The following ABHD17C variants were observed in gnomAD, a reference collection of about 807,000 sequenced individuals.
ABHD17C encodes the protein abhydrolase domain containing 17C, depalmitoylase.
ABHD17C carries 11 observed loss-of-function variants against 27.9 expected under a neutral mutation model. The observed-to-expected ratio is 0.39, with a 90% CI of 0.25 to 0.65. ABHD17C has a LOEUF of 0.65. ABHD17C is among the 30% of genes least tolerant of loss of function. The pLI, the probability that ABHD17C is intolerant of heterozygous loss-of-function variation, is 0.45. For synonymous variants in ABHD17C, 233 were observed against 209.1 expected (o/e 1.11, Z -0.98); for missense variants, 280 against 470.2 (o/e 0.60, Z 3.74).
At chr15:80,754,094 A>G (rs1895400713) in intron 2 of ABHD17C, 57 bp from the exon 3 acceptor site, 5 of 1,314,952 alleles carry the variant, frequency 3.8e-6, no homozygotes, top group South Asian at 3.6e-5. Flanking sequence ...GATGTGTATT[A>G]TCTGTGAGCA....
At chr15:80,730,040 A>G (rs1395081629) in intron 1 of ABHD17C, among the ~76,000 whole-genome samples, 5 of 151,946 alleles carry the variant, frequency 3.3e-5, no homozygotes, top group African/African-American at 1.2e-4. Flanking sequence ...AACCACGTGA[A>G]CCCAGTTGCA....
At chr15:80,730,381 A>T (rs1205617644) in intron 1 of ABHD17C, among the ~76,000 whole-genome samples, 4 of 152,132 alleles carry the variant, frequency 2.6e-5, no homozygotes, top group Non-Finnish European at 4.4e-5. Flanking sequence ...GTGGATGGGG[A>T]TGGAGATCCT....
At chr15:80,726,566 C>G (rs1270607890) in intron 1 of ABHD17C, among the ~76,000 whole-genome samples, 1 of 113,048 alleles carries the variant, frequency 8.8e-6, no homozygotes, top group South Asian at 3.2e-4. Flanking sequence ...GGCTGGAGGG[C>G]GGTGGCGAGA....
At chr15:80,746,469 G>A (rs535310883) in intron 1 of ABHD17C, among the ~76,000 whole-genome samples, 3 of 150,490 alleles carry the variant, frequency 2.0e-5, no homozygotes, top group South Asian at 2.1e-4. Context: ...GTGCTTTTTT[G>A]TGTTTTACCT....
chr15:80,747,509 G>C (rs1325043601), intron 1 of ABHD17C, among the ~76,000 whole-genome samples: 2 of 152,148 alleles, frequency 1.3e-5, no homozygotes, highest in African/African-American at 4.8e-5. Context: ...TCCCCATTTA[G>C]TCCTCGTGGA....
chr15:80,696,658 G>T (rs928963889), intron 1 of ABHD17C, among the ~76,000 whole-genome samples: 1 of 152,182 alleles, frequency 6.6e-6, no homozygotes. Flanking sequence ...CTCCATAACA[G>T]TCCAGGATAA....
chr15:80,717,939 T>C (rs1464207312), intron 1 of ABHD17C, among the ~76,000 whole-genome samples: 2 of 152,206 alleles, frequency 1.3e-5, no homozygotes, highest in Non-Finnish European at 2.9e-5. Flanking sequence ...ACGGAACTAC[T>C]AGCTGGTAGC....
At chr15:80,723,061 G>C (rs1894920304) in intron 1 of ABHD17C, among the ~76,000 whole-genome samples, 1 of 152,130 alleles carries the variant, frequency 6.6e-6, no homozygotes, top group South Asian at 2.1e-4. Flanking sequence ...TTGAGCATCT[G>C]AGGATTGTCG....
chr15:80,700,574 T>C (rs1353644675), intron 1 of ABHD17C, among the ~76,000 whole-genome samples: 2 of 152,114 alleles, frequency 1.3e-5, no homozygotes, highest in Non-Finnish European at 2.9e-5. Context: ...AGACTTAATA[T>C]TTCATTTATT....
intron 1 of ABHD17C, among the ~76,000 whole-genome samples, chr15:80,735,199 A>AAACC (rs983114893): frequency 3.3e-5 from 5 of 152,194 alleles, no homozygotes; most frequent in African/African-American, 1.2e-4. Context: ...TAACCCTGAG[A>AAACC]GGTTAACCTT....
At chr15:80,726,395 TC>T (rs1894975829) in intron 1 of ABHD17C, among the ~76,000 whole-genome samples, 1 of 152,190 alleles carries the variant, frequency 6.6e-6, no homozygotes, top group African/African-American at 2.4e-5. Flanking sequence ...TGTTTTGATT[TC>T]TTCTTGACTC....
At chr15:80,706,940 G>A (rs762570741) in intron 1 of ABHD17C, among the ~76,000 whole-genome samples, 1 of 152,146 alleles carries the variant, frequency 6.6e-6, no homozygotes, top group African/African-American at 2.4e-5. Flanking sequence ...TAACTATTAG[G>A]AAAGGACAAT....
intron 1 of ABHD17C, among the ~76,000 whole-genome samples, chr15:80,704,085 G>C (rs1894610186): frequency 6.6e-6 from 1 of 152,246 alleles, no homozygotes; most frequent in Admixed American, 6.5e-5. Flanking sequence ...AAGCAAAGCA[G>C]TGGATGAGGG....
At chr15:80,741,648 A>AT (rs577862238) in intron 1 of ABHD17C, among the ~76,000 whole-genome samples, 19 of 149,370 alleles carry the variant, frequency 1.3e-4, no homozygotes, top group African/African-American at 1.7e-4. Context: ...AATTAGCACA[A>AT]TTTTTTTTTC....
intron 1 of ABHD17C, among the ~76,000 whole-genome samples, chr15:80,739,271 C>A (rs1895173932): frequency 6.6e-6 from 1 of 152,234 alleles, no homozygotes. Context: ...CCTGTGAGCT[C>A]TCTTTCATCC....
chr15:80,724,396 G>A (rs186004077), intron 1 of ABHD17C, among the ~76,000 whole-genome samples: 2 of 152,086 alleles, frequency 1.3e-5, no homozygotes, highest in Non-Finnish European at 2.9e-5. Flanking sequence ...AATATCTTGT[G>A]TACTTCTTTT....
intron 1 of ABHD17C, among the ~76,000 whole-genome samples, chr15:80,735,767 T>C (rs1278924769): frequency 6.6e-6 from 1 of 152,238 alleles, no homozygotes; most frequent in African/African-American, 2.4e-5. Flanking sequence ...TTCTCTTTGC[T>C]GTACCTCAAT....
chr15:80,709,010 A>G (rs926664832), intron 1 of ABHD17C, among the ~76,000 whole-genome samples: 4 of 152,120 alleles, frequency 2.6e-5, no homozygotes, highest in Non-Finnish European at 5.9e-5. Context: ...CTTGTACAAT[A>G]TTACCTGCTC....
At chr15:80,736,926 G>C (rs1231827860) in intron 1 of ABHD17C, among the ~76,000 whole-genome samples, 1 of 152,170 alleles carries the variant, frequency 6.6e-6, no homozygotes, top group Admixed American at 6.5e-5. Context: ...CCATCTCCTT[G>C]GCGCTGTCAG....
Sources: gnomAD v4.1 joint callset for allele counts (sites outside exome capture counted in the v4.1 genomes callset) on GRCh38, gnomAD v4.1.1 for gene constraint, MANE v1.5 for transcripts, NCBI Gene and HGNC (gene_info 2026-07-23, HGNC 2026-07-21) for gene names.